Variants in LBH observed in about 807,000 individuals in gnomAD.
The protein encoded by LBH is protein LBH.
Under a neutral mutation model 12.5 loss-of-function variants are expected in LBH, and 7 were observed. The ratio of observed to expected loss-of-function variants is 0.56; its 90% confidence interval spans 0.32 to 1.05. The LOEUF is 1.05. Ranked by LOEUF, LBH falls within the 50% of genes least tolerant of loss-of-function variation. The probability of loss-of-function intolerance (pLI) is 0.04; values close to 1 mark genes in which losing one functional copy is unlikely to be tolerated. For missense variants in LBH, 119 were observed against 138.9 expected (o/e 0.86, Z 0.72); for synonymous variants, 51 against 50.1 (o/e 1.02, Z -0.08).
chr2:30,237,464 T>G (rs887056577), intron 2 of LBH, among the ~76,000 whole-genome samples: 2 of 147,798 alleles, frequency 1.4e-5, no homozygotes, highest in African/African-American at 5.1e-5. Flanking sequence ...TTTTACCTTC[T>G]CTTTGCCCAG....
intron 2 of LBH, among the ~76,000 whole-genome samples, chr2:30,240,015 C>T (rs1278833607): frequency 1.3e-5 from 2 of 152,198 alleles, no homozygotes; most frequent in Admixed American, 6.5e-5. Context: ...TAGGGCCATA[C>T]ATCCCGGCCT....
intron 2 of LBH, among the ~76,000 whole-genome samples, chr2:30,238,326 T>C (rs1178642828): frequency 6.6e-6 from 1 of 152,146 alleles, no homozygotes; most frequent in Non-Finnish European, 1.5e-5. Context: ...GGCTCCTTGG[T>C]TTTCATTTAA....
chr2:30,244,611 C>A (rs1677843261), intron 2 of LBH, among the ~76,000 whole-genome samples: 1 of 151,986 alleles, frequency 6.6e-6, no homozygotes, highest in Admixed American at 6.6e-5. Context: ...CAGTAAGAAA[C>A]CTTCATTAAG....
intron 2 of LBH, among the ~76,000 whole-genome samples, chr2:30,257,231 T>C (rs1427409556): frequency 6.6e-6 from 1 of 152,228 alleles, no homozygotes; most frequent in Non-Finnish European, 1.5e-5. Context: ...AATGGAAGTC[T>C]GACTGAGGGA....
intron 2 of LBH, among the ~76,000 whole-genome samples, chr2:30,238,314 G>A (rs1252229436): frequency 6.6e-6 from 1 of 152,240 alleles, no homozygotes; most frequent in African/African-American, 2.4e-5. Flanking sequence ...AGATACAGAT[G>A]TGGCTCCTTG....
intron 2 of LBH, among the ~76,000 whole-genome samples, chr2:30,240,481 G>T (rs571235889): frequency 2.0e-4 from 31 of 152,306 alleles, no homozygotes; most frequent in Admixed American, 2.0e-3. Context: ...GCGTAGACTT[G>T]CTGGGGGCTT....
At chr2:30,232,223 T>A in intron 1 of LBH, 1 of 471,666 alleles carries the variant, frequency 2.1e-6, no homozygotes, top group East Asian at 1.1e-4. Context: ...CCGCAGGGTT[T>A]GCAGAGCTCC....
At chr2:30,257,358 G>A in intron 2 of LBH, 75 bp from the exon 3 acceptor site, 1 of 1,523,110 alleles carries the variant, frequency 6.6e-7, no homozygotes, top group Admixed American at 1.7e-5. Context: ...ATGCCACATG[G>A]ATGTGCAAAG....
At position 30,259,983 on chromosome 2, in the gene LBH, T is replaced by G. The variant is rs1678167968; in HGVS notation, c.*2362T>G. ...AGCATTTTTTTTTTTCCAAACTACT[T>G]TTTGTCACTGTGACAGTTGTAAATA... On this transcript the variant is annotated 3_prime_UTR_variant, in exon 3 of 3. Transcript: ENST00000395323. 1 of 152,640 alleles carries G rather than the reference T, an allele frequency of 6.6e-6. No homozygotes were observed. 9.5% of individuals were successfully genotyped at this position (152,640 alleles called of 1,614,324 possible).
chr2:30,235,460 C>T (rs529323382), intron 2 of LBH, among the ~76,000 whole-genome samples: 39 of 152,232 alleles, frequency 2.6e-4, no homozygotes, highest in African/African-American at 8.2e-4. Context: ...AAGCACTCTA[C>T]AGACGCTGCC....
At chr2:30,241,133 C>G (rs1677781948) in intron 2 of LBH, among the ~76,000 whole-genome samples, 1 of 152,206 alleles carries the variant, frequency 6.6e-6, no homozygotes, top group African/African-American at 2.4e-5. Context: ...AACATTTTCA[C>G]TAGATGTAGC....
intron 1 of LBH, 167 bp from the exon 2 acceptor site, chr2:30,234,238 G>A (rs748660433): frequency 3.3e-6 from 2 of 603,482 alleles, no homozygotes; most frequent in Admixed American, 5.6e-5. Flanking sequence ...CTGTGGGCTT[G>A]CAAGGCGCTT....
At chr2:30,239,395 T>G (rs548017533) in intron 2 of LBH, among the ~76,000 whole-genome samples, 9 of 152,238 alleles carry the variant, frequency 5.9e-5, no homozygotes, top group East Asian at 1.9e-4. Flanking sequence ...TCTATCCGCC[T>G]CCTCCTCATT....
intron 2 of LBH, among the ~76,000 whole-genome samples, chr2:30,244,743 A>T (rs1677844701): frequency 6.6e-6 from 1 of 151,962 alleles, no homozygotes; most frequent in Non-Finnish European, 1.5e-5. Context: ...CTCTACAACA[A>T]ATACAAAAAA....
At chr2:30,252,609 C>T (rs888869355) in intron 2 of LBH, among the ~76,000 whole-genome samples, 3 of 151,686 alleles carry the variant, frequency 2.0e-5, no homozygotes, top group Admixed American at 1.3e-4. Flanking sequence ...TTGCAGTGAG[C>T]AGAGATCGTG....
At position 30,258,672 on chromosome 2, in the gene LBH, G is replaced by A. The variant is rs1162790824; in HGVS notation, c.*1051G>A. ...CAGTCTGCCCAGCTGCAGTACTCAC[G>A]CCCCATGGGGGATCTTGGTCTGTTT... is the stretch of plus-strand genomic sequence containing the variant. On this transcript the variant is annotated 3_prime_UTR_variant, in exon 3 of 3. Transcript: ENST00000395323. 1 of 152,428 alleles carries A rather than the reference G, an allele frequency of 6.6e-6. No individual in the cohort carries two copies. Among genetic ancestry groups the A allele is most frequent in the African/African-American group, 2.4e-5 (1 of 41,456 alleles). The allele number at this position is 152,428 out of a possible 1,614,324, so 9.4% of individuals were successfully genotyped here. A position where few individuals can be genotyped will look rare whatever the true frequency, so the allele number is the denominator to read the frequency against.
chr2:30,231,634 C>T lies in LBH; in HGVS notation c.-105C>T. 1 of 1,170,946 alleles carries T rather than the reference C, an allele frequency of 8.5e-7. No individual in the cohort carries two copies. The allele number at this position is 1,170,946 out of a possible 1,614,324, so 72.5% of individuals were successfully genotyped here. On this transcript the variant is annotated 5_prime_UTR_variant, in exon 1 of 3. Coordinates refer to ENST00000395323, the MANE Select transcript of LBH (RefSeq NM_030915.4). ...GCGGACGGCGAGCGCCCGGTGTCCG[C>T]ACTCGGCCGCCTGCCGTGCCCGTCT...
intron 2 of LBH, among the ~76,000 whole-genome samples, chr2:30,254,014 C>T (rs1422535069): frequency 6.6e-6 from 1 of 152,126 alleles, no homozygotes; most frequent in Non-Finnish European, 1.5e-5. Flanking sequence ...TCAGCTGCTT[C>T]CCAGGTGCGT....
At position 30,231,578 on chromosome 2, in the gene LBH, ACGTCGCTAGC is replaced by A; in HGVS notation, c.-157_-148del. 1 of 662,062 alleles carries A rather than the reference ACGTCGCTAGC, an allele frequency of 1.5e-6. No homozygotes were observed. Among genetic ancestry groups the A allele is most frequent in the South Asian group, 1.6e-5 (1 of 61,032 alleles). The allele number at this position is 662,062 out of a possible 1,614,324, so 41.0% of individuals were successfully genotyped here. On this transcript the variant is annotated 5_prime_UTR_variant, in exon 1 of 3. Transcript: ENST00000395323. ...GCGGGGAGTTGTGTCCACCTTGCCGACGTCGCTAGCCGTGGGGCTGTCCTGGGAAGGCGGA... is the reference window on the plus strand; with the variant it reads ...GCGGGGAGTTGTGTCCACCTTGCCGACGTGGGGCTGTCCTGGGAAGGCGGA...
Sources: allele counts gnomAD v4.1 joint callset (sites outside exome capture counted in the v4.1 genomes callset), GRCh38; gene constraint gnomAD v4.1.1; transcripts MANE v1.5; gene names NCBI Gene and HGNC (gene_info 2026-07-23, HGNC 2026-07-21).